The following ADAMTSL1 variants were observed in gnomAD, a reference collection of about 807,000 sequenced individuals.
ADAMTSL1 encodes ADAMTS like 1.
ADAMTSL1 carries 126 observed loss-of-function variants against 201.8 expected under a neutral mutation model. That is an observed-to-expected ratio of 0.62 (90% CI 0.54 to 0.72). The LOEUF is 0.72. Ranked by LOEUF, ADAMTSL1 falls within the 30% of genes least tolerant of loss-of-function variation. The pLI, the probability that ADAMTSL1 is intolerant of heterozygous loss-of-function variation, is 0.00. For synonymous variants in ADAMTSL1, 1,121 were observed against 903.4 expected (o/e 1.24, Z -4.32); for missense variants, 2,679 against 2,277.8 (o/e 1.18, Z -3.59).
intron 3 of ADAMTSL1, among the ~76,000 whole-genome samples, chr9:18,545,896 C>A: frequency 6.6e-6 from 1 of 152,180 alleles, no homozygotes; most frequent in East Asian, 1.9e-4. Flanking sequence ...AGCCTGGTTT[C>A]TGTAAGCCTA....
intron 2 of ADAMTSL1, among the ~76,000 whole-genome samples, chr9:18,348,543 A>G (rs565794808): frequency 1.7e-3 from 261 of 152,322 alleles, no homozygotes; most frequent in African/African-American, 5.9e-3. Context: ...TAGATTCTAA[A>G]ATTCTCTAGA....
At chr9:18,894,104 G>C (rs3739485) in intron 26 of ADAMTSL1, among the ~76,000 whole-genome samples, 5,905 of 152,318 alleles carry the variant, frequency 0.039, 136 homozygotes, top group East Asian at 0.12. Context: ...CCATAAAAGG[G>C]TCTTGTATGC....
chr9:18,820,644 T>C (rs1040190083), intron 21 of ADAMTSL1, among the ~76,000 whole-genome samples: 4 of 152,240 alleles, frequency 2.6e-5, no homozygotes, highest in African/African-American at 9.6e-5. Flanking sequence ...CATGTTTGAA[T>C]TGTTAGCAGT....
intron 2 of ADAMTSL1, among the ~76,000 whole-genome samples, chr9:18,285,908 A>C (rs1253186626): frequency 6.6e-6 from 1 of 152,158 alleles, no homozygotes; most frequent in Non-Finnish European, 1.5e-5. Flanking sequence ...GTTTTTTAGC[A>C]TATTCATAAG....
intron 1 of ADAMTSL1, among the ~76,000 whole-genome samples, chr9:18,030,546 T>C (rs1325017368): frequency 6.6e-6 from 1 of 152,002 alleles, no homozygotes; most frequent in Non-Finnish European, 1.5e-5. Flanking sequence ...AAACTTAAAG[T>C]ATAATATTAA....
At chr9:17,984,561 T>A (rs1329935) in intron 1 of ADAMTSL1, among the ~76,000 whole-genome samples, 127,974 of 152,080 alleles carry the variant, frequency 0.84, 54,063 homozygotes, top group East Asian at 0.94. Flanking sequence ...ATAAATATTA[T>A]GGTGAGGAAC....
chr9:18,655,391 G>C (rs1439663069), intron 7 of ADAMTSL1, among the ~76,000 whole-genome samples: 5 of 152,148 alleles, frequency 3.3e-5, no homozygotes, highest in African/African-American at 1.2e-4. Context: ...TGTGATTATA[G>C]AAAGAAGAGC....
chr9:17,990,625 G>T (rs146668928), intron 1 of ADAMTSL1, among the ~76,000 whole-genome samples: 2 of 151,942 alleles, frequency 1.3e-5, no homozygotes, highest in African/African-American at 4.8e-5. Flanking sequence ...TGGTTGTCAC[G>T]TTTAATTATT....
At chr9:17,973,584 G>A (rs1477278957) in intron 1 of ADAMTSL1, among the ~76,000 whole-genome samples, 8 of 83,956 alleles carry the variant, frequency 9.5e-5, no homozygotes, top group East Asian at 9.1e-4. Context: ...AGTATAGTTT[G>A]AAGTCAGGTA....
chr9:18,684,776 G>A lies in ADAMTSL1; in HGVS notation c.1550G>A (p.Gly517Glu). The change falls in exon 13 of 29, where the codon GGA (glycine) becomes GAA (glutamate). Residue 517 changes from glycine to glutamate, a missense_variant. Gly to Glu is a moderately conservative substitution (Grantham distance 98). Coordinates refer to ENST00000380548, the MANE Select transcript of ADAMTSL1 (RefSeq NM_001040272.6). ...AAACAAGCTCAAGAGCTAGAAGAAG[G>A]AGCTGCTGTGTCAGAGGAGCCCTCG... is the stretch of plus-strand genomic sequence containing the variant. ...WFKQAQELEE[G>E]AAVSEEPSFI... 6.2e-7 allele frequency: 1 copy of A among 1,612,596 alleles called. No homozygotes were observed.
chr9:18,865,155 A>G (rs1278284287), intron 23 of ADAMTSL1, among the ~76,000 whole-genome samples: 7 of 151,754 alleles, frequency 4.6e-5, no homozygotes, highest in South Asian at 2.1e-4. Flanking sequence ...TCGTCATTTA[A>G]CATTAGGTAT....
intron 26 of ADAMTSL1, among the ~76,000 whole-genome samples, chr9:18,900,775 CGGTGGG>C (rs1483585047): frequency 6.7e-4 from 2 of 2,972 alleles, no homozygotes; most frequent in African/African-American, 3.7e-3. Flanking sequence ...GGCCTATTGG[CGGTGGG>C]GGTGGGGGTG....
chr9:18,686,624 A>G (rs191916701), intron 13 of ADAMTSL1, among the ~76,000 whole-genome samples: 2 of 152,354 alleles, frequency 1.3e-5, no homozygotes, highest in East Asian at 1.9e-4. Context: ...TATTTTACCT[A>G]AATAAACTCT....
At chr9:18,899,152 A>G (rs1245540617) in intron 26 of ADAMTSL1, among the ~76,000 whole-genome samples, 1 of 152,178 alleles carries the variant, frequency 6.6e-6, no homozygotes, top group African/African-American at 2.4e-5. Context: ...ATACACCAAC[A>G]ACAGGCAAGC....
chr9:18,105,463 G>A (rs183184293), intron 1 of ADAMTSL1, among the ~76,000 whole-genome samples: 1 of 152,228 alleles, frequency 6.6e-6, no homozygotes, highest in East Asian at 1.9e-4. Flanking sequence ...TTGCAAAATT[G>A]AAATCACCTT....
chr9:18,017,877 C>T (rs1426174010), intron 1 of ADAMTSL1, among the ~76,000 whole-genome samples: 4 of 152,050 alleles, frequency 2.6e-5, no homozygotes, highest in African/African-American at 7.2e-5. Context: ...TAATCTCCCT[C>T]TGCTAAAATA....
chr9:17,907,459 C>T (rs1195517671), intron 1 of ADAMTSL1, among the ~76,000 whole-genome samples: 1 of 152,190 alleles, frequency 6.6e-6, no homozygotes, highest in Non-Finnish European at 1.5e-5. Flanking sequence ...TGTGCGGACG[C>T]CGGACCAGGT....
intron 1 of ADAMTSL1, among the ~76,000 whole-genome samples, chr9:17,999,676 C>T (rs2891120): frequency 2.7e-5 from 4 of 150,338 alleles, no homozygotes; most frequent in Admixed American, 1.3e-4. Context: ...CATACGTATA[C>T]ATGTGCCATG....
intron 16 of ADAMTSL1, among the ~76,000 whole-genome samples, chr9:18,763,385 TA>T: frequency 6.6e-6 from 1 of 152,312 alleles, no homozygotes. Flanking sequence ...GAGCTCCTTA[TA>T]TATTCTGGTT....
Sources: gnomAD v4.1 joint callset for allele counts (sites outside exome capture counted in the v4.1 genomes callset) on GRCh38, gnomAD v4.1.1 for gene constraint, MANE v1.5 for transcripts, NCBI Gene and HGNC (gene_info 2026-07-23, HGNC 2026-07-21) for gene names.